The following PRKD1 variants were observed in gnomAD, a reference collection of about 807,000 sequenced individuals.
The protein encoded by PRKD1 is serine/threonine-protein kinase D1.
PRKD1 carries 63 observed loss-of-function variants against 95.9 expected under a neutral mutation model. The observed-to-expected ratio is 0.66, with a 90% CI of 0.54 to 0.81. The LOEUF is 0.81. Among genes scored for constraint, PRKD1 ranks in the 30% least tolerant of loss-of-function variants. The pLI is 0.00. For missense variants in PRKD1, 1,048 were observed against 1,165.3 expected, an observed-to-expected ratio of 0.90 and a Z score of 1.47; for synonymous variants, 425 against 423.1, an observed-to-expected ratio of 1.00 and a Z score of -0.05.
intron 4 of PRKD1, among the ~76,000 whole-genome samples, chr14:29,661,594 A>G (rs886854867): frequency 6.6e-6 from 1 of 152,158 alleles, no homozygotes; most frequent in African/African-American, 2.4e-5. Flanking sequence ...AATGTTTCCT[A>G]CTTTCTCAGG....
chr14:29,684,141 T>C (rs1477632398), intron 2 of PRKD1, among the ~76,000 whole-genome samples: 2 of 125,066 alleles, frequency 1.6e-5, no homozygotes, highest in Non-Finnish European at 3.2e-5. Context: ...TTCTTTAGAA[T>C]GGTTTTTTTT....
chr14:29,582,536 C>A (rs566171160), intron 16 of PRKD1, among the ~76,000 whole-genome samples: 4 of 152,200 alleles, frequency 2.6e-5, no homozygotes, highest in Non-Finnish European at 4.4e-5. Context: ...CAGCTCTGAA[C>A]ATTTACCCAT....
At chr14:29,638,167 T>A in intron 6 of PRKD1, 1 of 289,158 alleles carries the variant, frequency 3.5e-6, no homozygotes, top group Non-Finnish European at 6.4e-6. Context: ...CTATAACTTG[T>A]AGGCAGCCCA....
chr14:29,916,881 T>C (rs1894909191), intron 1 of PRKD1, among the ~76,000 whole-genome samples: 1 of 152,138 alleles, frequency 6.6e-6, no homozygotes, highest in East Asian at 1.9e-4. Flanking sequence ...CTCTGCCAAA[T>C]GCTCCCTTAA....
intron 1 of PRKD1, among the ~76,000 whole-genome samples, chr14:29,903,691 A>G (rs983316758): frequency 3.9e-5 from 6 of 152,182 alleles, no homozygotes; most frequent in Non-Finnish European, 7.3e-5. Flanking sequence ...TAATCTGAGG[A>G]GAAAGGGATA....
chr14:29,698,695 T>G (rs1425422988), intron 2 of PRKD1, among the ~76,000 whole-genome samples: 1 of 151,928 alleles, frequency 6.6e-6, no homozygotes, highest in East Asian at 1.9e-4. Context: ...CACAGCTCCA[T>G]GCAATGTGTG....
intron 2 of PRKD1, among the ~76,000 whole-genome samples, chr14:29,700,986 G>GCACA (rs779729017): frequency 1.9e-4 from 10 of 52,316 alleles, no homozygotes; most frequent in East Asian, 4.8e-4. Flanking sequence ...GCGCGCGCGC[G>GCACA]CGCACACACA....
At chr14:29,830,677 T>C (rs987058803) in intron 1 of PRKD1, among the ~76,000 whole-genome samples, 5 of 151,796 alleles carry the variant, frequency 3.3e-5, no homozygotes, top group Non-Finnish European at 5.9e-5. Context: ...ATAGAAACTT[T>C]TTTTTTTTTT....
chr14:29,586,673 C>G (rs1892943267), intron 16 of PRKD1, among the ~76,000 whole-genome samples: 1 of 152,068 alleles, frequency 6.6e-6, no homozygotes, highest in Non-Finnish European at 1.5e-5. Context: ...CGGAGTTTTG[C>G]TCTTGTTGCC....
chr14:29,667,063 G>T (rs1010003407), intron 2 of PRKD1, among the ~76,000 whole-genome samples: 4 of 152,164 alleles, frequency 2.6e-5, no homozygotes, highest in African/African-American at 9.7e-5. Context: ...ATCGACAGCG[G>T]AAAGATGAGC....
At chr14:29,882,034 C>T (rs1389259372) in intron 1 of PRKD1, among the ~76,000 whole-genome samples, 1 of 152,172 alleles carries the variant, frequency 6.6e-6, no homozygotes, top group Admixed American at 6.5e-5. Flanking sequence ...ATTTCAGACT[C>T]CTTAAGGACA....
intron 1 of PRKD1, among the ~76,000 whole-genome samples, chr14:29,833,886 C>T (rs1185801827): frequency 2.0e-5 from 3 of 151,396 alleles, no homozygotes; most frequent in Non-Finnish European, 4.4e-5. Context: ...CAGCAGCGAG[C>T]CTGAAAAAAA....
chr14:29,607,475 C>T (rs1019382240), intron 13 of PRKD1, among the ~76,000 whole-genome samples: 1 of 152,182 alleles, frequency 6.6e-6, no homozygotes, highest in East Asian at 1.9e-4. Context: ...GAACCGCTTC[C>T]AAGCTCACTC....
chr14:29,725,554 T>G lies in PRKD1; in HGVS notation c.385A>C (p.Ile129Leu). Residue 129 changes from isoleucine to leucine, a missense_variant, in exon 2 of 18, where the codon ATT (isoleucine) becomes CTT (leucine). Ile to Leu is a conservative substitution (Grantham distance 5). Transcript: ENST00000331968. ...AASDIQEGDL[I>L]EVVLSASATF... is the part of the protein sequence containing the mutation. Reference sequence around the variant, plus strand: ...ATACTACCTGACAAGACCACTTCAATAAGATCGCCTTCCTGGATATCACTG... The same window carrying G: ...ATACTACCTGACAAGACCACTTCAAGAAGATCGCCTTCCTGGATATCACTG... The G allele has an allele frequency of 6.2e-7, 1 of 1,613,662 alleles. No homozygotes were observed. The highest frequency in any genetic ancestry group is 1.3e-5 in the African/African-American group (1 of 75,018).
chr14:29,695,584 T>C (rs1416589238), intron 2 of PRKD1, among the ~76,000 whole-genome samples: 1 of 152,178 alleles, frequency 6.6e-6, no homozygotes, highest in Admixed American at 6.5e-5. Context: ...TTTGCTGAGA[T>C]GGGAAGAGCC....
At chr14:29,647,748 A>G (rs17115128) in intron 4 of PRKD1, among the ~76,000 whole-genome samples, 2,203 of 152,328 alleles carry the variant, frequency 0.014, 58 homozygotes, top group African/African-American at 0.049. Flanking sequence ...ATAACTTTAT[A>G]GTGTTGCAGG....
chr14:29,585,311 T>A (rs1430983114), intron 16 of PRKD1, among the ~76,000 whole-genome samples: 2 of 152,208 alleles, frequency 1.3e-5, no homozygotes, highest in African/African-American at 4.8e-5. Context: ...ATCGTCTCAC[T>A]CACTCCGGAG....
chr14:29,730,010 C>CA (rs975083546), intron 1 of PRKD1, among the ~76,000 whole-genome samples: 3 of 150,994 alleles, frequency 2.0e-5, no homozygotes, highest in East Asian at 3.9e-4. Context: ...AAAGCACAAA[C>CA]AAAAAAAAGC....
At chr14:29,656,277 T>C (rs1301403409) in intron 4 of PRKD1, among the ~76,000 whole-genome samples, 1 of 152,208 alleles carries the variant, frequency 6.6e-6, no homozygotes, top group Non-Finnish European at 1.5e-5. Context: ...ATTGGGACTG[T>C]GAAAAGTTAA....
Sources: gnomAD v4.1 joint callset for allele counts (sites outside exome capture counted in the v4.1 genomes callset) on GRCh38, gnomAD v4.1.1 for gene constraint, MANE v1.5 for transcripts, NCBI Gene and HGNC (gene_info 2026-07-23, HGNC 2026-07-21) for gene names.